CTNNA3: variants seen among roughly 807,000 people sequenced by gnomAD.
CTNNA3 encodes the protein catenin alpha-3.
Under a neutral mutation model 95.7 loss-of-function variants are expected in CTNNA3, and 76 were observed. The observed-to-expected ratio is 0.79, with a 90% CI of 0.66 to 0.96. CTNNA3 has a LOEUF of 0.96. Ranked by LOEUF, CTNNA3 falls within the 40% of genes least tolerant of loss-of-function variation. CTNNA3 has a pLI of 0.00. For synonymous variants in CTNNA3, 431 were observed against 374.4 expected, an observed-to-expected ratio of 1.15 and a Z score of -1.74; for missense variants, 1,191 against 1,089.8, an observed-to-expected ratio of 1.09 and a Z score of -1.31.
chr10:67,326,996 C>T (rs1841564051), intron 5 of CTNNA3, among the ~76,000 whole-genome samples: 1 of 152,130 alleles, frequency 6.6e-6, no homozygotes, highest in South Asian at 2.1e-4. Context: ...GGGATTCTTT[C>T]CTCCACTTGT....
rs542527338 is a variant in CTNNA3 at position 65,944,836 on chromosome 10, A to G, written c.2400+21776T>C. ...AAATAATGCTCAAAGAAGTATAGTA[A>G]CAAACAAGAAAATATCTGTCTATCT... On this transcript the variant is annotated intron_variant, in intron 17 of 17. Coordinates refer to ENST00000433211, the MANE Select transcript of CTNNA3 (RefSeq NM_013266.4). Among the ~76,000 whole-genome samples the G allele has an allele frequency of 3.4e-5, 5 of 149,062 alleles. No homozygotes were observed. The East Asian group carries it at 9.8e-4, about 29-fold the overall frequency.
chr10:67,412,112 G>A (rs1164738043), intron 5 of CTNNA3, among the ~76,000 whole-genome samples: 1 of 152,024 alleles, frequency 6.6e-6, no homozygotes, highest in Non-Finnish European at 1.5e-5. Context: ...AGGGCACAAA[G>A]TACACTCCAT....
At chr10:66,611,992 G>T (rs1844345052) in intron 10 of CTNNA3, among the ~76,000 whole-genome samples, 1 of 151,908 alleles carries the variant, frequency 6.6e-6, no homozygotes, top group Non-Finnish European at 1.5e-5. Context: ...TCTCAACCTG[G>T]ATCTTCTGGT....
intron 10 of CTNNA3, among the ~76,000 whole-genome samples, chr10:66,526,476 T>A (rs1239570627): frequency 6.6e-6 from 1 of 152,272 alleles, no homozygotes; most frequent in South Asian, 2.1e-4. Context: ...CGTGAGCCAC[T>A]GTGCGAAGAC....
intron 7 of CTNNA3, among the ~76,000 whole-genome samples, chr10:67,147,762 T>G (rs10822986): frequency 0.64 from 97,079 of 151,892 alleles, 32,047 homozygotes; most frequent in African/African-American, 0.81. Context: ...GAAATTTTGG[T>G]TCAACATTGA....
intron 12 of CTNNA3, among the ~76,000 whole-genome samples, chr10:66,317,379 A>C (rs937021210): frequency 2.6e-5 from 4 of 152,064 alleles, no homozygotes; most frequent in African/African-American, 9.7e-5. Flanking sequence ...AATACTTATA[A>C]AAAGAAATTT....
intron 7 of CTNNA3, among the ~76,000 whole-genome samples, chr10:67,047,800 T>A (rs1248286595): frequency 2.6e-5 from 4 of 152,146 alleles, no homozygotes. Context: ...TATTCCTTAT[T>A]CCATGGTAAC....
At chr10:65,963,915 C>T (rs2133248947) in intron 17 of CTNNA3, among the ~76,000 whole-genome samples, 1 of 152,296 alleles carries the variant, frequency 6.6e-6, no homozygotes, top group South Asian at 2.1e-4. Context: ...CTTCACACCT[C>T]AGACCCAGAA....
intron 5 of CTNNA3, among the ~76,000 whole-genome samples, chr10:67,282,127 T>G (rs894411122): frequency 6.6e-6 from 1 of 152,160 alleles, no homozygotes; most frequent in African/African-American, 2.4e-5. Flanking sequence ...AAGACTATCA[T>G]AATAAATATT....
intron 11 of CTNNA3, among the ~76,000 whole-genome samples, chr10:66,388,221 T>C (rs1251997234): frequency 1.3e-5 from 2 of 152,184 alleles, no homozygotes; most frequent in African/African-American, 4.8e-5. Flanking sequence ...CAATTTTATA[T>C]TGTAGAGCTA....
chr10:67,230,840 G>A (rs1264882962), intron 5 of CTNNA3, among the ~76,000 whole-genome samples: 1 of 152,176 alleles, frequency 6.6e-6, no homozygotes, highest in Non-Finnish European at 1.5e-5. Context: ...GCCGAAGCAG[G>A]GTGAGGCATT....
At chr10:67,457,483 C>T (rs1269560650) in intron 5 of CTNNA3, among the ~76,000 whole-genome samples, 4 of 152,150 alleles carry the variant, frequency 2.6e-5, no homozygotes, top group Admixed American at 6.5e-5. Context: ...TGCTCTAAGA[C>T]GCAGTTCTTT....
At chr10:66,621,100 TTTC>T (rs1172262686) in intron 10 of CTNNA3, among the ~76,000 whole-genome samples, 2 of 152,232 alleles carry the variant, frequency 1.3e-5, no homozygotes, top group Admixed American at 6.5e-5. Flanking sequence ...CAAGAAAATA[TTTC>T]TTAACTTTTT....
intron 7 of CTNNA3, among the ~76,000 whole-genome samples, chr10:67,179,840 A>G (rs1862424845): frequency 6.6e-6 from 1 of 152,102 alleles, no homozygotes; most frequent in Non-Finnish European, 1.5e-5. Flanking sequence ...CCATAAAACA[A>G]CAACAACAAA....
intron 7 of CTNNA3, among the ~76,000 whole-genome samples, chr10:67,127,622 T>C (rs1859779492): frequency 1.3e-5 from 2 of 152,188 alleles, no homozygotes; most frequent in Admixed American, 6.5e-5. Flanking sequence ...ATCTGAGTCA[T>C]AACATTGAGA....
At chr10:67,102,381 T>C (rs1244370111) in intron 7 of CTNNA3, among the ~76,000 whole-genome samples, 2 of 151,788 alleles carry the variant, frequency 1.3e-5, no homozygotes, top group Non-Finnish European at 3.0e-5. Flanking sequence ...GTGATGAGTC[T>C]TTTTTGAAGG....
At chr10:67,060,308 G>C (rs1229580454) in intron 7 of CTNNA3, among the ~76,000 whole-genome samples, 1 of 152,008 alleles carries the variant, frequency 6.6e-6, no homozygotes, top group Admixed American at 6.6e-5. Context: ...CAGAGACCTT[G>C]TCTCAAAGAA....
intron 7 of CTNNA3, among the ~76,000 whole-genome samples, chr10:66,779,648 A>G (rs2132839954): frequency 6.6e-6 from 1 of 152,258 alleles, no homozygotes; most frequent in South Asian, 2.1e-4. Flanking sequence ...GGCATAAGCC[A>G]CTGCACCTGG....
chr10:66,669,377 C>G (rs1846576484), intron 9 of CTNNA3, among the ~76,000 whole-genome samples: 1 of 151,836 alleles, frequency 6.6e-6, no homozygotes, highest in South Asian at 2.1e-4. Context: ...AACCCCATCT[C>G]TACTAAAAAT....
Sources: allele counts gnomAD v4.1 joint callset (sites outside exome capture counted in the v4.1 genomes callset), GRCh38; gene constraint gnomAD v4.1.1; transcripts MANE v1.5; gene names NCBI Gene and HGNC (gene_info 2026-07-23, HGNC 2026-07-21).